Variants in AFF3 observed in about 807,000 individuals in gnomAD.
The protein encoded by AFF3 is AF4/FMR2 family member 3.
In AFF3, 32 loss-of-function variants were observed where a neutral mutation model predicts 129.7. The observed-to-expected ratio is 0.25, with a 90% confidence interval of 0.19 to 0.33. The LOEUF (loss-of-function observed/expected upper bound fraction) is 0.33, where lower values mean the gene tolerates loss of function less well. Ranked by LOEUF, AFF3 falls within the 10% of genes least tolerant of loss-of-function variation. AFF3 has a pLI of 1.00. For synonymous variants in AFF3, 644 were observed against 635.4 expected (o/e 1.01, Z -0.20); for missense variants, 1,373 against 1,592.0 (o/e 0.86, Z 2.34).
intron 19 of AFF3, among the ~76,000 whole-genome samples, chr2:99,566,431 C>G (rs1407439828): frequency 4.6e-5 from 7 of 151,964 alleles, no homozygotes; most frequent in Non-Finnish European, 8.8e-5. Flanking sequence ...GCCTGTAATC[C>G]CAGTGTTTTG....
At chr2:99,781,323 T>C (rs974131795) in intron 8 of AFF3, among the ~76,000 whole-genome samples, 1 of 152,202 alleles carries the variant, frequency 6.6e-6, no homozygotes, top group African/African-American at 2.4e-5. Context: ...TCACCTTGCC[T>C]TATTTTTCTT....
intron 7 of AFF3, among the ~76,000 whole-genome samples, chr2:99,848,305 C>CA (rs1689883924): frequency 6.6e-6 from 1 of 151,520 alleles, no homozygotes; most frequent in Admixed American, 6.6e-5. Context: ...TAAAAAAAGA[C>CA]ATCACATGTA....
At chr2:100,060,767 A>G (rs1459329853) in intron 4 of AFF3, among the ~76,000 whole-genome samples, 1 of 152,136 alleles carries the variant, frequency 6.6e-6, no homozygotes, top group Non-Finnish European at 1.5e-5. Flanking sequence ...TGTCACAATG[A>G]GGGAGGCAAC....
chr2:99,840,796 T>C (rs1292097018), intron 7 of AFF3, among the ~76,000 whole-genome samples: 1 of 152,138 alleles, frequency 6.6e-6, no homozygotes, highest in Non-Finnish European at 1.5e-5. Flanking sequence ...AAAGGTTATA[T>C]AGGAAAGTCT....
At chr2:99,960,298 A>AAAT (rs1234004980) in intron 7 of AFF3, among the ~76,000 whole-genome samples, 4 of 152,136 alleles carry the variant, frequency 2.6e-5, no homozygotes, top group Non-Finnish European at 4.4e-5. Context: ...AATTGTGTTT[A>AAAT]AATAATAATA....
intron 11 of AFF3, among the ~76,000 whole-genome samples, chr2:99,682,430 G>GC (rs954868269): frequency 1.5e-4 from 23 of 152,304 alleles, no homozygotes; most frequent in Admixed American, 1.2e-3. Context: ...TAAGGCATAA[G>GC]CCCATCATTA....
intron 2 of AFF3, among the ~76,000 whole-genome samples, chr2:100,123,146 AAAT>A (rs1169441793): frequency 2.6e-5 from 4 of 152,214 alleles, no homozygotes; most frequent in Non-Finnish European, 5.9e-5. Context: ...ACATCCACTA[AAAT>A]AATGCAAAAA....
intron 4 of AFF3, among the ~76,000 whole-genome samples, chr2:100,052,725 T>C (rs1336421730): frequency 6.6e-6 from 1 of 152,138 alleles, no homozygotes; most frequent in Non-Finnish European, 1.5e-5. Flanking sequence ...CTAAAAATAA[T>C]GTATCTGTAT....
At chr2:99,924,169 T>G (rs1696060959) in intron 7 of AFF3, among the ~76,000 whole-genome samples, 1 of 152,204 alleles carries the variant, frequency 6.6e-6, no homozygotes, top group African/African-American at 2.4e-5. Context: ...CTGAACAAAC[T>G]TCGGTGTTCC....
intron 10 of AFF3, among the ~76,000 whole-genome samples, chr2:99,731,007 G>GTC (rs1287347884): frequency 6.6e-6 from 1 of 152,094 alleles, no homozygotes; most frequent in Non-Finnish European, 1.5e-5. Flanking sequence ...AGACTGGAGT[G>GTC]CAGTGGTGCA....
intron 8 of AFF3, among the ~76,000 whole-genome samples, chr2:99,761,981 C>T (rs1237841093): frequency 1.3e-5 from 2 of 152,088 alleles, no homozygotes; most frequent in Non-Finnish European, 2.9e-5. Context: ...GGCTTTCCTG[C>T]CCCCATCTTG....
chr2:100,076,846 A>G (rs1169395024), intron 4 of AFF3, among the ~76,000 whole-genome samples: 1 of 152,302 alleles, frequency 6.6e-6, no homozygotes, highest in Middle Eastern at 3.4e-3. Context: ...AACGTTATGT[A>G]TGTGCAGTAA....
intron 8 of AFF3, among the ~76,000 whole-genome samples, chr2:99,791,099 G>A (rs1334749869): frequency 2.0e-5 from 3 of 152,194 alleles, no homozygotes; most frequent in Admixed American, 6.5e-5. Context: ...TGGCCATGCC[G>A]AACTAGGCTA....
chr2:100,112,726 A>G lies in AFF3; in HGVS notation c.-144-7143T>C, dbSNP rs563415017. The stretch of plus-strand genomic sequence containing the variant: ...AAAAAGAAAGAAGCTGCACAATGGG[A>G]GGTAGAAAGCAGGAGCCCAAGGTCG... On this transcript the variant is annotated intron_variant, in intron 2 of 24. Transcript: ENST00000672756. Among the ~76,000 whole-genome samples the G allele has an allele frequency of 1.1e-4, 16 of 152,170 alleles. No individual in the cohort carries two copies. In the East Asian group the frequency reaches 1.7e-3, roughly 17 times the overall value.
chr2:99,605,705 G>A lies in AFF3; in HGVS notation c.1185-4084C>T, dbSNP rs78123711. On this transcript the variant is annotated intron_variant, in intron 13 of 24. Transcript: ENST00000672756. Reference sequence around the variant, plus strand: ...GCCACAAACACACACATATACATACGTCTATAGAATTTGTTGTTGCCCAGG... The same window carrying A: ...GCCACAAACACACACATATACATACATCTATAGAATTTGTTGTTGCCCAGG... Among the ~76,000 whole-genome samples, 831 of 152,268 alleles carry A rather than the reference G, an allele frequency of 5.5e-3. 9 individuals are homozygous for A. Among genetic ancestry groups the A allele is most frequent in the African/African-American group, 0.019 (789 of 41,560 alleles).
intron 1 of AFF3, among the ~76,000 whole-genome samples, chr2:100,136,370 T>A (rs1692643286): frequency 1.3e-5 from 2 of 151,736 alleles, no homozygotes; most frequent in African/African-American, 4.8e-5. Context: ...GCGGCCAGTG[T>A]GGTAGGAAGA....
At chr2:100,045,169 A>T (rs1193992923) in intron 4 of AFF3, among the ~76,000 whole-genome samples, 5 of 151,920 alleles carry the variant, frequency 3.3e-5, no homozygotes, top group Non-Finnish European at 5.9e-5. Context: ...GAAGGGGAGG[A>T]GGGTGAGGAG....
At chr2:99,640,197 A>G (rs1338072982) in intron 13 of AFF3, among the ~76,000 whole-genome samples, 3 of 152,180 alleles carry the variant, frequency 2.0e-5, no homozygotes, top group Non-Finnish European at 2.9e-5. Flanking sequence ...TTGTTTTTCT[A>G]TAATATCAAT....
intron 13 of AFF3, among the ~76,000 whole-genome samples, chr2:99,647,629 C>G (rs1684808944): frequency 6.6e-6 from 1 of 151,720 alleles, no homozygotes; most frequent in Admixed American, 6.6e-5. Flanking sequence ...ACATGTGCCC[C>G]TGAACTTAAA....
Sources: gnomAD v4.1 joint callset for allele counts (sites outside exome capture counted in the v4.1 genomes callset) on GRCh38, gnomAD v4.1.1 for gene constraint, MANE v1.5 for transcripts, NCBI Gene and HGNC (gene_info 2026-07-23, HGNC 2026-07-21) for gene names.